The following IQSEC1 variants were observed in gnomAD, a reference collection of about 807,000 sequenced individuals.
IQSEC1 encodes IQ motif and SEC7 domain-containing protein 1.
IQSEC1 carries 31 observed loss-of-function variants against 91.0 expected under a neutral mutation model. That is an observed-to-expected ratio of 0.34 (90% confidence interval 0.26 to 0.46). IQSEC1 has a LOEUF of 0.46. IQSEC1 is among the 20% of genes least tolerant of loss of function. The pLI is 1.00. For missense variants in IQSEC1, 1,388 were observed against 1,575.6 expected, an observed-to-expected ratio of 0.88 and a Z score of 2.02; for synonymous variants, 699 against 662.6, an observed-to-expected ratio of 1.05 and a Z score of -0.84.
chr3:13,119,367 A>G (rs1260370515), intron 2 of IQSEC1, among the ~76,000 whole-genome samples: 1 of 152,224 alleles, frequency 6.6e-6, no homozygotes, highest in Admixed American at 6.5e-5. Flanking sequence ...CAACAATTTA[A>G]AAACTGAATT....
intron 1 of IQSEC1, among the ~76,000 whole-genome samples, chr3:12,980,979 T>C (rs1055315645): frequency 2.0e-5 from 3 of 152,192 alleles, no homozygotes; most frequent in African/African-American, 7.2e-5. Flanking sequence ...GAGGAGCCAA[T>C]CAATTCTCCC....
chr3:13,277,106 TAAAAAAA>T (rs4034193), intron 1 of IQSEC1, among the ~76,000 whole-genome samples: 13 of 35,992 alleles, frequency 3.6e-4, no homozygotes, highest in African/African-American at 1.6e-3. Context: ...TGCTCCTCCT[TAAAAAAA>T]AAAAAAAAAA....
rs1317564076 is a variant in IQSEC1, at chr3:13,193,719, TC to T, written c.273-29587del. Among the ~76,000 whole-genome samples, 1 of 152,118 alleles carries T rather than the reference TC, an allele frequency of 6.6e-6. No homozygotes were observed. The highest frequency in any genetic ancestry group is 1.5e-5 in the Non-Finnish European group (1 of 68,010). ...GATGTCAGAGCTTAAGCCTCCCTCC[TC>T]CAACGGGCTCTCCCTGGACACATGC... On this transcript the variant is annotated intron_variant, in intron 1 of 15. Transcript: ENST00000648114. This position sits in a 1 kb window ranked among gnomAD's most constrained non-coding sequence, Gnocchi z 4.2.
chr3:12,967,668 C>A lies in IQSEC1; in HGVS notation c.24-25803G>T. ...CCGAGCCCCAGGCCAGCCAAGCCCG[C>A]CCCTCCGCCGCCGCCCGCTTGGCGC... On this transcript the variant is annotated intron_variant, in intron 1 of 13. Transcript: ENST00000613206. This position sits in a 1 kb window ranked among gnomAD's most constrained non-coding sequence, Gnocchi z 5.9. The A allele has an allele frequency of 8.5e-7, 1 of 1,177,942 alleles. No homozygotes were observed. Among genetic ancestry groups the A allele is most frequent in the Non-Finnish European group, 1.0e-6 (1 of 954,612 alleles). The allele number at this position is 1,177,942 out of a possible 1,614,324, so 73.0% of individuals were successfully genotyped here. A position where few individuals can be genotyped will look rare whatever the true frequency, so the allele number is the denominator to read the frequency against.
chr3:13,072,558 C>T (rs184663207), intron 1 of IQSEC1, among the ~76,000 whole-genome samples: 5 of 152,320 alleles, frequency 3.3e-5, no homozygotes, highest in South Asian at 2.1e-4. Flanking sequence ...CCTTGGAGGA[C>T]GCAGCATCCT....
chr3:13,085,456 C>T (rs1467609904), intron 2 of IQSEC1, among the ~76,000 whole-genome samples: 5 of 151,480 alleles, frequency 3.3e-5, no homozygotes, highest in African/African-American at 9.7e-5. Context: ...CTTCAATACT[C>T]GTTCAATCCT....
chr3:13,231,287 G>C (rs1483878947), intron 1 of IQSEC1, among the ~76,000 whole-genome samples: 1 of 152,204 alleles, frequency 6.6e-6, no homozygotes, highest in Non-Finnish European at 1.5e-5. Flanking sequence ...GTCTGTGTGT[G>C]TGCCCACGTG....
intron 1 of IQSEC1, among the ~76,000 whole-genome samples, chr3:13,229,082 A>G (rs1400313540): frequency 6.6e-6 from 1 of 152,196 alleles, no homozygotes; most frequent in East Asian, 1.9e-4. Flanking sequence ...CACCACTGGC[A>G]TACACACACA....
chr3:12,975,741 G>GAAAAAGAAACCAAGGC (rs1157281672), intron 1 of IQSEC1, among the ~76,000 whole-genome samples: 2 of 152,196 alleles, frequency 1.3e-5, no homozygotes, highest in Non-Finnish European at 2.9e-5. Flanking sequence ...TTCTCATCCA[G>GAAAAAGAAACCAAGGC]AAAAAGAAAC....
chr3:13,148,441 C>G (rs778702392), intron 2 of IQSEC1, among the ~76,000 whole-genome samples: 2 of 152,210 alleles, frequency 1.3e-5, no homozygotes, highest in Non-Finnish European at 2.9e-5. Context: ...GAATCTTAAA[C>G]CAGGAGTCTT....
chr3:13,198,597 G>C (rs1694178567), intron 1 of IQSEC1, among the ~76,000 whole-genome samples: 1 of 152,172 alleles, frequency 6.6e-6, no homozygotes, highest in Admixed American at 6.5e-5. Context: ...TTCTGAGTTT[G>C]GCTTGGTGGT....
chr3:12,967,354 G>C lies in IQSEC1; in HGVS notation c.24-25489C>G. On this transcript the variant is annotated intron_variant, in intron 1 of 13. Transcript: ENST00000613206. This position sits in a 1 kb window ranked among gnomAD's most constrained non-coding sequence, Gnocchi z 5.9. ...TGCGCCAGCCCACCGCTCAGCACCC[G>C]GGAAGGCCGCTCGCCCCGCGCCGCG... 6.6e-7 allele frequency: 1 copy of C among 1,520,000 alleles called. No homozygotes were observed. Among genetic ancestry groups the C allele is most frequent in the Non-Finnish European group, 8.8e-7 (1 of 1,134,362 alleles). The allele number at this position is 1,520,000 out of a possible 1,614,324, so 94.2% of individuals were successfully genotyped here. A position where few individuals can be genotyped will look rare whatever the true frequency, so the allele number is the denominator to read the frequency against.
intron 1 of IQSEC1, among the ~76,000 whole-genome samples, chr3:13,247,565 G>A (rs778079107): frequency 3.3e-5 from 5 of 152,210 alleles, no homozygotes; most frequent in Non-Finnish European, 7.3e-5. Flanking sequence ...TCTTCAGCCT[G>A]GAGCTGAAGC....
intron 6 of IQSEC1, among the ~76,000 whole-genome samples, chr3:12,917,960 G>A (rs139385304): frequency 3.9e-5 from 6 of 152,368 alleles, no homozygotes; most frequent in East Asian, 1.9e-4. Flanking sequence ...GACAAACTGC[G>A]CTGACCCACT....
In IQSEC1 at chr3:12,899,516, C is replaced by T; in HGVS notation, c.*1467G>A. 6.5e-7 allele frequency: 1 copy of T among 1,550,056 alleles called. No homozygotes were observed. The highest frequency in any genetic ancestry group is 8.7e-7 in the Non-Finnish European group (1 of 1,143,416). ...CCCTGGGGAGCGCATGGTGTCACCA[C>T]AACACAGAAGCGACAAGAGCACAGC... On this transcript the variant is annotated 3_prime_UTR_variant, in exon 14 of 14. Coordinates refer to ENST00000613206, the MANE Select transcript of IQSEC1 (RefSeq NM_001134382.3).
At chr3:12,980,457 C>G (rs1401094793) in intron 1 of IQSEC1, among the ~76,000 whole-genome samples, 1 of 152,222 alleles carries the variant, frequency 6.6e-6, no homozygotes, top group Non-Finnish European at 1.5e-5. Context: ...ACAATTGTTT[C>G]TCTAGCAATT....
At chr3:13,238,111 C>T (rs912051171) in intron 1 of IQSEC1, among the ~76,000 whole-genome samples, 5 of 152,202 alleles carry the variant, frequency 3.3e-5, no homozygotes, top group South Asian at 2.1e-4. Context: ...GCACCCACCG[C>T]GTGCCCCAAC....
Position 12,900,160 on chromosome 3 carries a change from A to G in IQSEC1, c.*823T>C, listed in dbSNP as rs1694087713. 1.0e-6 allele frequency: 1 copy of G among 971,474 alleles called. No individual in the cohort carries two copies. Among genetic ancestry groups the G allele is most frequent in the South Asian group, 4.8e-5 (1 of 20,984 alleles). 60.2% of individuals were successfully genotyped at this position (971,474 alleles called of 1,614,324 possible). The stretch of plus-strand genomic sequence containing the variant: ...CTATTTATGATAGTATTCTGTTAAT[A>G]AAATAAGGATTTATACAAAGCAATA... On this transcript the variant is annotated 3_prime_UTR_variant, in exon 14 of 14. Transcript: ENST00000613206.
chr3:13,054,759 C>T (rs962304924), intron 1 of IQSEC1, among the ~76,000 whole-genome samples: 7 of 152,290 alleles, frequency 4.6e-5, no homozygotes, highest in East Asian at 1.9e-4. Flanking sequence ...CCATGATCCC[C>T]GAGGGGGGAG....
Sources: gnomAD v4.1 joint callset for allele counts (sites outside exome capture counted in the v4.1 genomes callset) on GRCh38, gnomAD v4.1.1 for gene constraint, Gnocchi (gnomAD v3.1) non-coding constraint, MANE v1.5 for transcripts, NCBI Gene and HGNC (gene_info 2026-07-23, HGNC 2026-07-21) for gene names.